MTHFD2L: variants seen among roughly 807,000 people sequenced by gnomAD.
The protein encoded by MTHFD2L is methylenetetrahydrofolate dehydrogenase (NADP+ dependent) 2 like.
A neutral mutation model predicts 34.9 loss-of-function variants in MTHFD2L; 29 were observed. The observed-to-expected ratio is 0.83, with a 90% confidence interval of 0.62 to 1.13. The LOEUF is 1.13. Among genes scored for constraint, MTHFD2L ranks in the 50% most tolerant of loss-of-function variants. The pLI, the probability that MTHFD2L is intolerant of heterozygous loss-of-function variation, is 0.00. For synonymous variants in MTHFD2L, 167 were observed against 155.7 expected, an observed-to-expected ratio of 1.07 and a Z score of -0.54; for missense variants, 481 against 446.5, an observed-to-expected ratio of 1.08 and a Z score of -0.70.
At chr4:74,277,820 T>G (rs1379331911) in intron 6 of MTHFD2L, among the ~76,000 whole-genome samples, 1 of 152,018 alleles carries the variant, frequency 6.6e-6, no homozygotes, top group Non-Finnish European at 1.5e-5. Flanking sequence ...TTTGTTTGTT[T>G]GTTTGTTTGT....
At chr4:74,236,640 A>G (rs1740879224) in intron 6 of MTHFD2L, among the ~76,000 whole-genome samples, 2 of 152,280 alleles carry the variant, frequency 1.3e-5, no homozygotes, top group African/African-American at 4.8e-5. Context: ...TCATGCCAGT[A>G]AATGATTATC....
intron 1 of MTHFD2L, among the ~76,000 whole-genome samples, chr4:74,163,501 A>G (rs1174781251): frequency 1.3e-5 from 2 of 151,928 alleles, no homozygotes; most frequent in East Asian, 1.9e-4. Context: ...ACTGGATACG[A>G]AGAAGAGTCA....
intron 1 of MTHFD2L, among the ~76,000 whole-genome samples, chr4:74,172,850 T>C (rs1336925741): frequency 2.0e-5 from 3 of 152,180 alleles, no homozygotes; most frequent in Non-Finnish European, 2.9e-5. Flanking sequence ...TAATGGTGTA[T>C]TTTCGATCAA....
intron 7 of MTHFD2L, chr4:74,293,521 A>G: frequency 1.0e-6 from 1 of 984,360 alleles, no homozygotes; most frequent in Non-Finnish European, 1.2e-6. Context: ...CAATATATTT[A>G]GAAAACTTGT....
Position 74,243,138 on chromosome 4 carries a change from A to G in MTHFD2L, c.805+17744A>G, listed in dbSNP as rs548611534. 2.6e-4 allele frequency among the ~76,000 whole-genome samples: 40 copies of G among 152,322 alleles called. No homozygotes were observed. In the East Asian group the frequency reaches 5.4e-3, roughly 21 times the overall value. Reference sequence around the variant, plus strand: ...TGTGGCACAGAAGGCCTCCCAAAGGATGTGGCCTCTCAGCTGCCATATGCT... The same window carrying G: ...TGTGGCACAGAAGGCCTCCCAAAGGGTGTGGCCTCTCAGCTGCCATATGCT... On this transcript the variant is annotated intron_variant, in intron 6 of 7. Coordinates refer to ENST00000325278, the MANE Select transcript of MTHFD2L (RefSeq NM_001144978.3).
chr4:74,251,251 A>C (rs1285500823), intron 6 of MTHFD2L, among the ~76,000 whole-genome samples: 1 of 152,202 alleles, frequency 6.6e-6, no homozygotes, highest in African/African-American at 2.4e-5. Context: ...GTGTAATGCA[A>C]AACTTGCGGT....
At chr4:74,119,907 C>T (rs1721723084), upstream of MTHFD2L, among the ~76,000 whole-genome samples, 1 of 152,088 alleles carries the variant, frequency 6.6e-6, no homozygotes, top group South Asian at 2.1e-4. Context: ...GCAATGAAGC[C>T]ATGAAACCTT....
At chr4:74,260,835 T>A (rs1213347697) in intron 6 of MTHFD2L, among the ~76,000 whole-genome samples, 2 of 152,008 alleles carry the variant, frequency 1.3e-5, no homozygotes, top group African/African-American at 4.8e-5. Context: ...GAATTCAAAA[T>A]TTTAAAAATA....
At chr4:74,187,240 A>G (rs1731463331) in intron 3 of MTHFD2L, among the ~76,000 whole-genome samples, 1 of 152,162 alleles carries the variant, frequency 6.6e-6, no homozygotes, top group Non-Finnish European at 1.5e-5. Flanking sequence ...AAGTTATGCC[A>G]GTAGAAATTT....
intron 1 of MTHFD2L, among the ~76,000 whole-genome samples, chr4:74,164,020 C>T (rs572630869): frequency 7.2e-5 from 11 of 152,196 alleles, no homozygotes; most frequent in Non-Finnish European, 1.2e-4. Flanking sequence ...GGACTACAGG[C>T]GCCCGCCACC....
At chr4:74,262,386 A>G (rs1470285080) in intron 6 of MTHFD2L, among the ~76,000 whole-genome samples, 1 of 151,928 alleles carries the variant, frequency 6.6e-6, no homozygotes, top group Admixed American at 6.6e-5. Context: ...GTAAAAATAA[A>G]CAGAAAAGCT....
intron 6 of MTHFD2L, among the ~76,000 whole-genome samples, chr4:74,249,618 C>T (rs1743023343): frequency 6.6e-6 from 1 of 152,056 alleles, no homozygotes; most frequent in African/African-American, 2.4e-5. Flanking sequence ...GCAGTTGGTA[C>T]CTGTTGTGCC....
chr4:74,172,630 T>G (rs1728242427), intron 1 of MTHFD2L, among the ~76,000 whole-genome samples: 1 of 152,210 alleles, frequency 6.6e-6, no homozygotes, highest in Non-Finnish European at 1.5e-5. Flanking sequence ...TGTAGGAAAT[T>G]ATTAGACATG....
At chr4:74,218,301 A>T (rs1380090534) in intron 5 of MTHFD2L, among the ~76,000 whole-genome samples, 17 of 152,124 alleles carry the variant, frequency 1.1e-4, no homozygotes, top group Admixed American at 1.1e-3. Flanking sequence ...TTACTATAGG[A>T]GTAAAAGACA....
intron 3 of MTHFD2L, among the ~76,000 whole-genome samples, chr4:74,184,181 A>C (rs1204691183): frequency 1.3e-5 from 2 of 152,232 alleles, no homozygotes; most frequent in Admixed American, 6.5e-5. Flanking sequence ...CAAAGATGTT[A>C]AATTTATTCC....
At chr4:74,161,343 G>A (rs1403855959) in intron 1 of MTHFD2L, 1 of 151,954 alleles carries the variant, frequency 6.6e-6, no homozygotes, top group Non-Finnish European at 1.5e-5. Flanking sequence ...CTGTATTTCT[G>A]TCTCTTCTAA....
intron 2 of MTHFD2L, among the ~76,000 whole-genome samples, chr4:74,117,629 C>T (rs1014889060): frequency 1.3e-5 from 2 of 152,192 alleles, no homozygotes; most frequent in Admixed American, 1.3e-4. Context: ...AAGGTTCAAA[C>T]ATTTGGGGTC....
At chr4:74,164,032 C>T (rs376670132) in intron 1 of MTHFD2L, among the ~76,000 whole-genome samples, 3 of 152,078 alleles carry the variant, frequency 2.0e-5, no homozygotes, top group East Asian at 1.9e-4. Context: ...CCCGCCACCA[C>T]GCCCGGCTAA....
chr4:74,146,667 A>T (rs1318378358), intron 1 of MTHFD2L, among the ~76,000 whole-genome samples: 2 of 152,082 alleles, frequency 1.3e-5, no homozygotes, highest in Non-Finnish European at 2.9e-5. Context: ...TGATATTCCT[A>T]TATCTGGATA....
Sources: allele counts gnomAD v4.1 joint callset (sites outside exome capture counted in the v4.1 genomes callset), GRCh38; gene constraint gnomAD v4.1.1; transcripts MANE v1.5; gene names NCBI Gene and HGNC (gene_info 2026-07-23, HGNC 2026-07-21).